Variants in ZMYND12 observed in about 807,000 individuals in gnomAD.
The protein encoded by ZMYND12 is zinc finger MYND domain-containing protein 12.
A neutral mutation model predicts 41.7 loss-of-function variants in ZMYND12; 32 were observed. The ratio of observed to expected loss-of-function variants is 0.77; its 90% CI spans 0.58 to 1.03. The LOEUF (loss-of-function observed/expected upper bound fraction) is 1.03. Among genes scored for constraint, ZMYND12 ranks in the 50% least tolerant of loss-of-function variants. ZMYND12 has a pLI of 0.00. For synonymous variants in ZMYND12, 148 were observed against 164.8 expected, an observed-to-expected ratio of 0.90 and a Z score of 0.78; for missense variants, 424 against 438.5, an observed-to-expected ratio of 0.97 and a Z score of 0.30.
chr1:42,443,483 C>T (rs963662357), intron 3 of ZMYND12, among the ~76,000 whole-genome samples: 9 of 152,150 alleles, frequency 5.9e-5, no homozygotes, highest in African/African-American at 1.7e-4. Flanking sequence ...ACTGGGTTAA[C>T]GGCAGATCTG....
chr1:42,435,634 G>A, intron 5 of ZMYND12: 1 of 376,474 alleles, frequency 2.7e-6, no homozygotes, highest in Non-Finnish European at 4.9e-6. Flanking sequence ...TCTAATAACA[G>A]TGGTTATCTT....
chr1:42,441,775 T>G (rs1570351050), intron 3 of ZMYND12, among the ~76,000 whole-genome samples: 1 of 151,744 alleles, frequency 6.6e-6, no homozygotes, highest in South Asian at 2.1e-4. Context: ...CGCCCGCCAC[T>G]ACGCCCGGCT....
At position 42,430,880 on chromosome 1, in the gene ZMYND12, A is replaced by G. The variant is rs1342798528; in HGVS notation, c.976-22T>C. Reference sequence around the variant, plus strand: ...GTGCCTGAAATAGAATTGCAGTGACAAAAGGAAGTTGTCACAGGAAAGCAT... The same window carrying G: ...GTGCCTGAAATAGAATTGCAGTGACGAAAGGAAGTTGTCACAGGAAAGCAT... On this transcript the variant is annotated intron_variant, in intron 7 of 7. Coordinates refer to ENST00000372565, the MANE Select transcript of ZMYND12 (RefSeq NM_032257.5). 3.1e-6 allele frequency: 5 copies of G among 1,613,048 alleles called. No individual in the cohort carries two copies. The Admixed American group carries it at 5.0e-5, about 16-fold the overall frequency.
chr1:42,448,672 T>A (rs779104673), intron 2 of ZMYND12, 34 bp from the exon 3 acceptor site: 11 of 1,560,370 alleles, frequency 7.0e-6, no homozygotes, highest in Non-Finnish European at 9.6e-6. Context: ...TCTGAGACAG[T>A]CTAAAGTTAA....
chr1:42,449,587 C>T (rs1643061455), intron 2 of ZMYND12, among the ~76,000 whole-genome samples: 1 of 152,164 alleles, frequency 6.6e-6, no homozygotes, highest in Admixed American at 6.5e-5. Flanking sequence ...CATCTGAAAG[C>T]CAGGAAGAGA....
intron 3 of ZMYND12, among the ~76,000 whole-genome samples, chr1:42,446,395 T>C (rs1572318): frequency 0.39 from 59,172 of 151,882 alleles, 12,017 homozygotes; most frequent in East Asian, 0.59. Flanking sequence ...CGGTGGCTCA[T>C]ACCTGTAATC....
chr1:42,435,068 A>T (rs1372973373), intron 6 of ZMYND12, among the ~76,000 whole-genome samples: 2 of 152,004 alleles, frequency 1.3e-5, no homozygotes, highest in Non-Finnish European at 2.9e-5. Flanking sequence ...CCGAATGGCT[A>T]TGTGTGATGA....
At chr1:42,433,513 A>G (rs887737766) in intron 6 of ZMYND12, among the ~76,000 whole-genome samples, 2 of 152,212 alleles carry the variant, frequency 1.3e-5, no homozygotes, top group Admixed American at 1.3e-4. Flanking sequence ...TTTGCTTAGC[A>G]TGCCATTATC....
intron 6 of ZMYND12, 141 bp from the exon 7 acceptor site, chr1:42,433,429 T>C: frequency 2.1e-6 from 2 of 968,718 alleles, no homozygotes; most frequent in Non-Finnish European, 2.9e-6. Context: ...TTACAGCAAG[T>C]TTTTTACCTA....
intron 3 of ZMYND12, among the ~76,000 whole-genome samples, chr1:42,444,827 CGG>C (rs998252333): frequency 8.1e-6 from 1 of 124,034 alleles, no homozygotes; most frequent in Admixed American, 9.1e-5. Flanking sequence ...TTTTTTGAGA[CGG>C]AGTCTCGCTC....
chr1:42,450,209 C>T, intron 1 of ZMYND12, 150 bp from the exon 2 acceptor site: 1 of 818,698 alleles, frequency 1.2e-6, no homozygotes, highest in African/African-American at 1.7e-5. Context: ...AGACTCAAAT[C>T]TCTTTCCTTT....
At position 42,434,073 on chromosome 1, in the gene ZMYND12, C is replaced by T. The variant is rs559770494; in HGVS notation, c.830-785G>A. Among the ~76,000 whole-genome samples, 5 of 152,322 alleles carry T rather than the reference C, an allele frequency of 3.3e-5. No homozygotes were observed. In the South Asian group the frequency reaches 8.3e-4, roughly 25 times the overall value. On this transcript the variant is annotated intron_variant, in intron 6 of 7. Coordinates refer to ENST00000372565, the MANE Select transcript of ZMYND12 (RefSeq NM_032257.5). Reference sequence around the variant, plus strand: ...TCCAAAGAGTCTTCCTTCTTCAACACCACCCAGCTGTCCTCACCTCTTCAT... The same window carrying T: ...TCCAAAGAGTCTTCCTTCTTCAACATCACCCAGCTGTCCTCACCTCTTCAT...
At chr1:42,442,040 C>T (rs16829526) in intron 3 of ZMYND12, among the ~76,000 whole-genome samples, 17,696 of 151,944 alleles carry the variant, frequency 0.12, 1,264 homozygotes, top group East Asian at 0.28. Flanking sequence ...GGGACTGTAT[C>T]GGCCTGTGAT....
intron 3 of ZMYND12, among the ~76,000 whole-genome samples, chr1:42,442,639 G>A (rs1245231955): frequency 6.6e-6 from 1 of 152,096 alleles, no homozygotes; most frequent in Non-Finnish European, 1.5e-5. Flanking sequence ...AGCAGAAATG[G>A]CATCAACAAA....
Position 42,436,440 on chromosome 1 carries a change from G to A in ZMYND12, c.698C>T (p.Ala233Val). 6.2e-7 allele frequency: 1 copy of A among 1,613,326 alleles called. No homozygotes were observed. Among genetic ancestry groups the A allele is most frequent in the Non-Finnish European group, 8.5e-7 (1 of 1,179,420 alleles). Residue 233 changes from alanine to valine, a missense_variant, in exon 5 of 8, where the codon GCA (alanine) becomes GTA (valine). Ala to Val is a moderately conservative substitution (Grantham distance 64). Transcript: ENST00000372565. ...GCTCACCTTGGTGTACAATGTGTCT[G>A]CCAGGTCCAACTTTTTAAGGTCATA... ...IFYDLKKLDL[A>V]DTLYTKVSEI...
Position 42,449,851 on chromosome 1 carries a change from T to A in ZMYND12, c.252+67A>T, listed in dbSNP as rs567356913. ...TACAATTTAGTGATCCCAACACAGT[T>A]CGAGCCTTGTCTTGGGCAGCTTCAC... On this transcript the variant is annotated intron_variant, in intron 2 of 7. Coordinates refer to ENST00000372565, the MANE Select transcript of ZMYND12 (RefSeq NM_032257.5). 3.9e-3 allele frequency: 6,177 copies of A among 1,584,452 alleles called. 221 individuals carry two copies. In the African/African-American group the frequency reaches 0.073, roughly 19 times the overall value.
intron 4 of ZMYND12, among the ~76,000 whole-genome samples, chr1:42,437,980 T>G (rs886742077): frequency 2.0e-5 from 3 of 151,262 alleles, no homozygotes; most frequent in African/African-American, 7.3e-5. Flanking sequence ...CCAGCTAATT[T>G]TTGTATTTTT....
In ZMYND12 at chr1:42,435,354, T is replaced by C. The variant is rs1642894914; in HGVS notation, c.749A>G (p.Asn250Ser). The part of the protein sequence containing the change: ...VSEIWHAYLN[N>S]HYQVLSQAHI... The stretch of plus-strand genomic sequence containing the variant: ...AGCCTGTGAGAGGACTTGATAGTGA[T>C]TGTTCAAATATGCATGCCAGATCTC... Residue 250 changes from asparagine (N) to serine (S), a missense_variant, in exon 6 of 8, where the codon AAT becomes AGT. By Grantham distance (46) the Asn-to-Ser change is conservative. Transcript: ENST00000372565. 5.0e-6 allele frequency: 8 copies of C among 1,613,868 alleles called. No individual in the cohort carries two copies. The highest frequency in any genetic ancestry group is 5.9e-6 in the Non-Finnish European group (7 of 1,179,896).
Position 42,454,658 on chromosome 1 carries a change from AT to A in ZMYND12, c.110+1229del, listed in dbSNP as rs968848050. Among the ~76,000 whole-genome samples, 5 of 151,346 alleles carry A rather than the reference AT, an allele frequency of 3.3e-5. No homozygotes were observed. In the South Asian group the frequency reaches 8.3e-4, roughly 25 times the overall value. ...ATGTCACTGTCTAGCCCTAACCTTT[AT>A]CTTCTTGGTTTAAACTTCTACTACC... On this transcript the variant is annotated intron_variant, in intron 1 of 7. Coordinates refer to ENST00000372565, the MANE Select transcript of ZMYND12 (RefSeq NM_032257.5).
Sources: gnomAD v4.1 joint callset for allele counts (sites outside exome capture counted in the v4.1 genomes callset) on GRCh38, gnomAD v4.1.1 for gene constraint, MANE v1.5 for transcripts, NCBI Gene and HGNC (gene_info 2026-07-23, HGNC 2026-07-21) for gene names.